The following C12orf42 variants were observed in gnomAD, a reference collection of about 807,000 sequenced individuals.
C12orf42 encodes uncharacterized protein C12orf42.
In C12orf42, 25 loss-of-function variants were observed where a neutral mutation model predicts 21.6. That is an observed-to-expected ratio of 1.16 (90% CI 0.84 to 1.62). The LOEUF (loss-of-function observed/expected upper bound fraction) is 1.62, where lower values mean the gene tolerates loss of function less well. Among genes scored for constraint, C12orf42 ranks in the 40% most tolerant of loss-of-function variants. The pLI is 0.00. For synonymous variants in C12orf42, 174 were observed against 175.0 expected, an observed-to-expected ratio of 0.99 and a Z score of 0.05; for missense variants, 483 against 459.3, an observed-to-expected ratio of 1.05 and a Z score of -0.47.
the C12orf42 span, among the ~76,000 whole-genome samples, chr12:103,543,625 C>A: frequency 6.6e-6 from 1 of 151,212 alleles, no homozygotes; most frequent in Non-Finnish European, 1.5e-5. Flanking sequence ...AAAAAAAAAA[C>A]TTAAAACACT....
chr12:103,156,250 G>A, the C12orf42 span: 1 of 152,048 alleles, frequency 6.6e-6, no homozygotes, highest in Non-Finnish European at 1.5e-5. Flanking sequence ...CCTAATGTAT[G>A]ATTCTTATTT....
intron 10 of C12orf42, among the ~76,000 whole-genome samples, chr12:103,240,825 C>G (rs562660091): frequency 6.6e-6 from 1 of 152,182 alleles, no homozygotes; most frequent in Non-Finnish European, 1.5e-5. Flanking sequence ...CTGTAGGCTC[C>G]TAGAAGTCAG....
At chr12:103,560,213 A>G in the C12orf42 span, among the ~76,000 whole-genome samples, 1 of 152,240 alleles carries the variant, frequency 6.6e-6, no homozygotes, top group Non-Finnish European at 1.5e-5. Flanking sequence ...AAAGTGACAA[A>G]CAAATTAGTG....
At chr12:103,182,112 G>A in the C12orf42 span, among the ~76,000 whole-genome samples, 10 of 147,914 alleles carry the variant, frequency 6.8e-5, no homozygotes, top group African/African-American at 2.5e-4. Context: ...TACACGGCTG[G>A]TCTTTATTCC....
intron 10 of C12orf42, among the ~76,000 whole-genome samples, chr12:103,238,415 C>T (rs2033558774): frequency 6.6e-6 from 1 of 152,104 alleles, no homozygotes; most frequent in African/African-American, 2.4e-5. Flanking sequence ...TGCCTGAGAA[C>T]TTGTTGGAAA....
chr12:103,263,274 C>T (rs2035000021), intron 10 of C12orf42: 1 of 151,726 alleles, frequency 6.6e-6, no homozygotes, highest in Admixed American at 6.6e-5. Context: ...ATGTTGTGCC[C>T]ATGTACCCTA....
At chr12:103,413,933 A>G (rs1370201625) in intron 2 of C12orf42, among the ~76,000 whole-genome samples, 2 of 151,958 alleles carry the variant, frequency 1.3e-5, no homozygotes, top group African/African-American at 4.8e-5. Flanking sequence ...CTGGTTTCAT[A>G]TTTTTGCAAT....
At chr12:103,398,256 T>A (rs1036344965) in intron 3 of C12orf42, among the ~76,000 whole-genome samples, 1 of 152,210 alleles carries the variant, frequency 6.6e-6, no homozygotes, top group African/African-American at 2.4e-5. Flanking sequence ...TATCTGCATT[T>A]CCCTTGACAC....
At chr12:103,548,373 G>C in the C12orf42 span, among the ~76,000 whole-genome samples, 3 of 152,276 alleles carry the variant, frequency 2.0e-5, no homozygotes, top group African/African-American at 7.2e-5. Flanking sequence ...ATATTTAAAA[G>C]ATAGCAATTG....
chr12:103,337,890 C>T (rs867742568), intron 4 of C12orf42, among the ~76,000 whole-genome samples: 1 of 152,258 alleles, frequency 6.6e-6, no homozygotes, highest in Middle Eastern at 3.4e-3. Context: ...CTTTTATTTG[C>T]CAAGATTCAA....
At chr12:103,173,966 T>G in the C12orf42 span, among the ~76,000 whole-genome samples, 1 of 152,156 alleles carries the variant, frequency 6.6e-6, no homozygotes, top group African/African-American at 2.4e-5. Context: ...AGGTGTTGGA[T>G]CAACTTGCCC....
the C12orf42 span, among the ~76,000 whole-genome samples, chr12:103,222,638 A>C: frequency 6.6e-6 from 1 of 152,102 alleles, no homozygotes; most frequent in Non-Finnish European, 1.5e-5. Flanking sequence ...ATAGGAAGTG[A>C]GACTGGGGAT....
intron 4 of C12orf42, among the ~76,000 whole-genome samples, chr12:103,334,859 C>G (rs1278715738): frequency 1.3e-5 from 2 of 152,184 alleles, no homozygotes; most frequent in Non-Finnish European, 2.9e-5. Flanking sequence ...CATTGCCAAG[C>G]GTTAGCAATA....
At chr12:103,259,741 C>G (rs773688011) in intron 10 of C12orf42, among the ~76,000 whole-genome samples, 1 of 152,178 alleles carries the variant, frequency 6.6e-6, no homozygotes, top group African/African-American at 2.4e-5. Flanking sequence ...TAAAAATTCA[C>G]ACATACCCCT....
At chr12:103,105,892 T>C in the C12orf42 span, among the ~76,000 whole-genome samples, 1 of 152,012 alleles carries the variant, frequency 6.6e-6, no homozygotes, top group Non-Finnish European at 1.5e-5. Flanking sequence ...AAGGAAGATA[T>C]AGTGAAAGAG....
chr12:103,480,120 T>G (rs1383435772), intron 1 of C12orf42, among the ~76,000 whole-genome samples: 1 of 151,954 alleles, frequency 6.6e-6, no homozygotes, highest in African/African-American at 2.4e-5. Context: ...ATTTAATGAT[T>G]ATAGGGTTAT....
At chr12:103,071,691 G>T in the C12orf42 span, among the ~76,000 whole-genome samples, 1 of 152,114 alleles carries the variant, frequency 6.6e-6, no homozygotes, top group East Asian at 1.9e-4. Context: ...TGTAAGATGT[G>T]ACTTTGCTCC....
the C12orf42 span, among the ~76,000 whole-genome samples, chr12:103,084,494 CTG>C: frequency 6.6e-6 from 1 of 152,032 alleles, no homozygotes; most frequent in East Asian, 1.9e-4. Context: ...ACCCAAATCT[CTG>C]TGCAAATAAA....
the C12orf42 span, among the ~76,000 whole-genome samples, chr12:103,549,884 T>G: frequency 6.6e-6 from 1 of 152,202 alleles, no homozygotes; most frequent in African/African-American, 2.4e-5. Flanking sequence ...GCCTGTTCCT[T>G]TCTTTGTTTT....
Sources: allele counts gnomAD v4.1 joint callset (sites outside exome capture counted in the v4.1 genomes callset), GRCh38; gene constraint gnomAD v4.1.1; transcripts MANE v1.5; gene names NCBI Gene and HGNC (gene_info 2026-07-23, HGNC 2026-07-21).